Variants in CORO7 observed in about 807,000 individuals in gnomAD.
CORO7 encodes the protein coronin-7.
Under a neutral mutation model 126.6 loss-of-function variants are expected in CORO7, and 107 were observed. The observed-to-expected ratio is 0.85, with a 90% CI of 0.72 to 0.99. The LOEUF (loss-of-function observed/expected upper bound fraction) is 0.99. Among genes scored for constraint, CORO7 ranks in the 50% least tolerant of loss-of-function variants. CORO7 has a pLI of 0.00. For synonymous variants in CORO7, 603 were observed against 536.8 expected, an observed-to-expected ratio of 1.12 and a Z score of -1.70; for missense variants, 1,314 against 1,255.8, an observed-to-expected ratio of 1.05 and a Z score of -0.70.
intron 9 of CORO7, among the ~76,000 whole-genome samples, chr16:4,376,087 C>T (rs890301352): frequency 3.9e-5 from 6 of 152,278 alleles, no homozygotes; most frequent in Admixed American, 2.0e-4. Context: ...CAGGGGTCCC[C>T]GCGCCTATAG....
Position 4,364,348 on chromosome 16 carries a change from G to A in CORO7, c.1203C>T (p.Pro401=). 6.5e-7 allele frequency: 1 copy of A among 1,528,716 alleles called. No homozygotes were observed. The highest frequency in any genetic ancestry group is 8.8e-7 in the Non-Finnish European group (1 of 1,141,532). 94.7% of individuals were successfully genotyped at this position (1,528,716 alleles called of 1,614,324 possible). Residue 401 remains proline (P), a synonymous_variant, in exon 14 of 28, where the codon CCC becomes CCT. Coordinates refer to ENST00000251166, the MANE Select transcript of CORO7 (RefSeq NM_024535.5). ...PHPSFTSCLV[P]PAEPLPDTAQ... is the part of the protein sequence containing the mutation. ...CTGTGTCAGGGAGGGGCTCCGCAGG[G>A]GGCACCAGACAGGAAGTGAAGCTCG...
intron 7 of CORO7, among the ~76,000 whole-genome samples, chr16:4,389,235 C>T (rs1481362580): frequency 6.6e-6 from 1 of 152,190 alleles, no homozygotes; most frequent in Non-Finnish European, 1.5e-5. Flanking sequence ...TCTCCTGGCC[C>T]TCCCGAGGTG....
Position 4,413,363 on chromosome 16 carries a change from G to A in CORO7, c.102C>T (p.Cys34=). The A allele has an allele frequency of 3.2e-6, 5 of 1,585,382 alleles. No homozygotes were observed. Among genetic ancestry groups the A allele is most frequent in the Admixed American group, 1.8e-5 (1 of 55,298 alleles). ...SDIRAGTAPS[C]RNHIKSSCSL... Reference sequence around the variant, plus strand: ...TGCAGCTTGATTTGATGTGGTTCCTGCATGAAGGGGCGGTTCCTGCTCGAA... The same window carrying A: ...TGCAGCTTGATTTGATGTGGTTCCTACATGAAGGGGCGGTTCCTGCTCGAA... Residue 34 remains cysteine, a synonymous_variant, in exon 2 of 28, where the codon TGC becomes TGT. Coordinates refer to ENST00000251166, the MANE Select transcript of CORO7 (RefSeq NM_024535.5).
chr16:4,406,617 GT>G (rs1020046298), intron 5 of CORO7, among the ~76,000 whole-genome samples: 1 of 149,886 alleles, frequency 6.7e-6, no homozygotes, highest in Non-Finnish European at 1.5e-5. Context: ...TTTTTTTTTG[GT>G]TTTTTTGTTT....
intron 2 of CORO7, chr16:4,412,695 T>G: frequency 4.0e-6 from 2 of 496,262 alleles, no homozygotes; most frequent in Non-Finnish European, 7.1e-6. Flanking sequence ...GAAAGGGGCG[T>G]GGGGCTTTCG....
rs1012705469 is a variant in CORO7 at position 4,384,666 on chromosome 16, G to A, written c.785+3320C>T. 3.9e-5 allele frequency among the ~76,000 whole-genome samples: 6 copies of A among 152,230 alleles called. No individual in the cohort carries two copies. The East Asian group carries it at 7.7e-4, about 20-fold the overall frequency. On this transcript the variant is annotated intron_variant, in intron 9 of 27. Transcript: ENST00000251166. ...ACGCGAGGCTCTGGATTCAATTAGCGGCTGCTGAGGGCTCTGGCACGAGGA... is the reference window on the plus strand; with the variant it reads ...ACGCGAGGCTCTGGATTCAATTAGCAGCTGCTGAGGGCTCTGGCACGAGGA...
intron 9 of CORO7, among the ~76,000 whole-genome samples, chr16:4,387,003 A>G (rs561143081): frequency 6.6e-6 from 1 of 152,300 alleles, no homozygotes; most frequent in African/African-American, 2.4e-5. Flanking sequence ...TCAGTTATGC[A>G]ATGGAAGAAT....
Position 4,394,261 on chromosome 16 carries a change from T to C in CORO7, c.615+1028A>G, listed in dbSNP as rs2055498702. ...GAGATCGAGACCATCCTGGCTAACA[T>C]GGTGAAACCCAGTCTCTACTAAAAA... On this transcript the variant is annotated intron_variant, in intron 7 of 27. Transcript: ENST00000251166. Among the ~76,000 whole-genome samples, 6 of 151,374 alleles carry C rather than the reference T, an allele frequency of 4.0e-5. No homozygotes were observed. The South Asian group carries it at 1.3e-3, about 32-fold the overall frequency.
intron 9 of CORO7, among the ~76,000 whole-genome samples, chr16:4,369,768 G>T (rs2054462144): frequency 6.6e-6 from 1 of 152,126 alleles, no homozygotes; most frequent in African/African-American, 2.4e-5. Flanking sequence ...CATTGCGCCA[G>T]TTCAAAGCAG....
At chr16:4,388,752 G>T in intron 7 of CORO7, 121 bp from the exon 8 acceptor site, 1 of 1,080,238 alleles carries the variant, frequency 9.3e-7, no homozygotes, top group South Asian at 1.5e-5. Context: ...CACAGAGGGT[G>T]GGAAGGGCTG....
intron 14 of CORO7, 98 bp downstream of exon 14, chr16:4,364,178 A>G: frequency 2.2e-6 from 3 of 1,379,838 alleles, no homozygotes; most frequent in Non-Finnish European, 2.8e-6. Context: ...AGAGTGAGAC[A>G]CTGTCTCAAA....
intron 16 of CORO7, 70 bp from the exon 17 acceptor site, chr16:4,361,539 G>A: frequency 6.5e-7 from 1 of 1,548,046 alleles, no homozygotes; most frequent in East Asian, 2.3e-5. Context: ...GGGGCTGCGG[G>A]CAAGCAGCAT....
intron 9 of CORO7, among the ~76,000 whole-genome samples, chr16:4,372,542 G>A (rs1410271617): frequency 5.9e-5 from 9 of 152,292 alleles, no homozygotes; most frequent in African/African-American, 2.2e-4. Context: ...GGATGGACCT[G>A]TACTGGCCAG....
chr16:4,416,327 G>C, intron 1 of CORO7, 132 bp downstream of exon 1: 1 of 1,280,688 alleles, frequency 7.8e-7, no homozygotes, highest in Non-Finnish European at 1.0e-6. Context: ...TGGCCTGAAG[G>C]GGGGTTCCCC....
At chr16:4,402,260 T>C (rs1039043330) in intron 6 of CORO7, among the ~76,000 whole-genome samples, 5 of 148,996 alleles carry the variant, frequency 3.4e-5, no homozygotes, top group African/African-American at 1.2e-4. Context: ...GTTGTTGTTG[T>C]TGTTGTTTTT....
At chr16:4,385,580 C>G (rs1438005146) in intron 9 of CORO7, among the ~76,000 whole-genome samples, 3 of 152,174 alleles carry the variant, frequency 2.0e-5, no homozygotes, top group East Asian at 1.9e-4. Context: ...GTTATCCCCC[C>G]ACCTCCACCC....
chr16:4,414,055 C>T (rs926474400), intron 1 of CORO7, among the ~76,000 whole-genome samples: 4 of 151,790 alleles, frequency 2.6e-5, no homozygotes, highest in Middle Eastern at 3.4e-3. Flanking sequence ...GGCATGGTGG[C>T]GGGCACCTAC....
chr16:4,405,533 G>T lies in CORO7; in HGVS notation c.522C>A (p.Ala174=). ...LAAHGDLVQS[A]VWSRDGALVG... is the part of the protein sequence containing the mutation. ...CCAGGGCTCCATCTCGGCTCCAGACGGCGCTCTGCACCAGGTCCCCATGGG... is the reference window on the plus strand; with the variant it reads ...CCAGGGCTCCATCTCGGCTCCAGACTGCGCTCTGCACCAGGTCCCCATGGG... Residue 174 remains alanine, a synonymous_variant, in exon 6 of 28, where the codon GCC becomes GCA. Coordinates refer to ENST00000251166, the MANE Select transcript of CORO7 (RefSeq NM_024535.5). 6.2e-7 allele frequency: 1 copy of T among 1,612,888 alleles called. No homozygotes were observed.
chr16:4,384,897 C>T (rs977250430), intron 9 of CORO7, among the ~76,000 whole-genome samples: 17 of 152,106 alleles, frequency 1.1e-4, no homozygotes, highest in Non-Finnish European at 2.4e-4. Flanking sequence ...GAGGCTGCTG[C>T]TGAACACGGC....
Sources: allele counts gnomAD v4.1 joint callset (sites outside exome capture counted in the v4.1 genomes callset), GRCh38; gene constraint gnomAD v4.1.1; transcripts MANE v1.5; gene names NCBI Gene and HGNC (gene_info 2026-07-23, HGNC 2026-07-21).